The following NR5A2 variants were observed in gnomAD, a reference collection of about 807,000 sequenced individuals.
NR5A2 encodes CYP7A promoter-binding factor.
NR5A2 carries 26 observed loss-of-function variants against 62.7 expected under a neutral mutation model. That is an observed-to-expected ratio of 0.41 (90% CI 0.30 to 0.58). The LOEUF is 0.58. NR5A2 is among the 20% of genes least tolerant of loss of function. The pLI, the probability that NR5A2 is intolerant of heterozygous loss-of-function variation, is 0.22. For synonymous variants in NR5A2, 246 were observed against 241.7 expected, an observed-to-expected ratio of 1.02 and a Z score of -0.16; for missense variants, 541 against 669.1, an observed-to-expected ratio of 0.81 and a Z score of 2.11.
chr1:200,038,886 C>T (rs1274899940), intron 1 of NR5A2: 6 of 595,950 alleles, frequency 1.0e-5, no homozygotes, highest in Non-Finnish European at 1.5e-5. Flanking sequence ...GAGCCTCATC[C>T]TTATTGGCTG....
rs2246211 is a variant in NR5A2 at position 200,176,378 on chromosome 1, G to A, written c.*2168G>A. On this transcript the variant is annotated 3_prime_UTR_variant, in exon 8 of 8. Transcript: ENST00000367362. ...AGGTAAGCTGGGCGTTGACTCATGCGCAGTCTCAGTCACCCGTGTTATCTT... is the reference window on the plus strand; with the variant it reads ...AGGTAAGCTGGGCGTTGACTCATGCACAGTCTCAGTCACCCGTGTTATCTT... 0.14 allele frequency: 21,409 copies of A among 152,568 alleles called. 1,579 individuals are homozygous for A. Among genetic ancestry groups the A allele is most frequent in the South Asian group, 0.19 (934 of 4,826 alleles). The allele number at this position is 152,568 out of a possible 1,614,324, so 9.5% of individuals were successfully genotyped here.
intron 7 of NR5A2, among the ~76,000 whole-genome samples, chr1:200,140,074 AACTT>A (rs1489422233): frequency 2.0e-5 from 3 of 152,102 alleles, no homozygotes; most frequent in Non-Finnish European, 4.4e-5. Context: ...ATATTACTGA[AACTT>A]TCTTTTGATG....
At position 200,130,616 on chromosome 1, in the gene NR5A2, T is replaced by C. The variant is rs74586852; in HGVS notation, c.1378+9661T>C. ...ATGCTTATTAATTCTGAAATAAGCATTATAGTCTAAACATCATAAAATTCT... is the reference window on the plus strand; with the variant it reads ...ATGCTTATTAATTCTGAAATAAGCACTATAGTCTAAACATCATAAAATTCT... On this transcript the variant is annotated intron_variant, in intron 7 of 7. Coordinates refer to ENST00000367362, the MANE Select transcript of NR5A2 (RefSeq NM_205860.3). Among the ~76,000 whole-genome samples the C allele has an allele frequency of 5.3e-5, 8 of 152,338 alleles. No individual in the cohort carries two copies. The East Asian group carries it at 1.3e-3, about 26-fold the overall frequency.
chr1:200,031,770 G>C (rs1449077888), intron 1 of NR5A2, among the ~76,000 whole-genome samples: 1 of 151,758 alleles, frequency 6.6e-6, no homozygotes, highest in East Asian at 1.9e-4. Context: ...AGTAGAAATG[G>C]GGTTTCACCA....
chr1:200,133,459 G>A (rs1667056156), intron 7 of NR5A2, among the ~76,000 whole-genome samples: 1 of 148,610 alleles, frequency 6.7e-6, no homozygotes, highest in Admixed American at 6.8e-5. Context: ...TCCTATCTTG[G>A]TTATACAGTC....
At chr1:200,034,680 G>C (rs1661688385) in intron 1 of NR5A2, among the ~76,000 whole-genome samples, 1 of 150,260 alleles carries the variant, frequency 6.7e-6, no homozygotes. Context: ...ACCGCGCCAC[G>C]CCAGATCGAG....
At chr1:200,166,124 A>G (rs1450370935) in intron 7 of NR5A2, among the ~76,000 whole-genome samples, 1 of 152,214 alleles carries the variant, frequency 6.6e-6, no homozygotes, top group Non-Finnish European at 1.5e-5. Flanking sequence ...GACAGAGACC[A>G]GAGTAGCCCA....
At chr1:200,108,404 CCTTTTCTCCTT>C (rs1414830747) in intron 5 of NR5A2, among the ~76,000 whole-genome samples, 2 of 152,164 alleles carry the variant, frequency 1.3e-5, no homozygotes, top group Admixed American at 1.3e-4. Context: ...TTTTCACCCA[CCTTTTCTCCTT>C]CTGTTCATGG....
At chr1:200,041,653 G>T (rs115344338) in intron 2 of NR5A2, among the ~76,000 whole-genome samples, 1 of 152,216 alleles carries the variant, frequency 6.6e-6, no homozygotes, top group Non-Finnish European at 1.5e-5. Context: ...CTGGGGAAGA[G>T]TGTGGGCGCT....
chr1:200,090,736 T>C (rs1664774873), intron 5 of NR5A2, among the ~76,000 whole-genome samples: 1 of 152,170 alleles, frequency 6.6e-6, no homozygotes, highest in Non-Finnish European at 1.5e-5. Context: ...GCTGTGAGAC[T>C]GTACTCCTGG....
At chr1:200,164,639 G>A (rs113903480) in intron 7 of NR5A2, among the ~76,000 whole-genome samples, 24,166 of 144,824 alleles carry the variant, frequency 0.17, 2,552 homozygotes, top group African/African-American at 0.31. Context: ...CCTCCACCTC[G>A]TGGGTTCAAG....
intron 5 of NR5A2, among the ~76,000 whole-genome samples, chr1:200,099,340 A>T (rs1665256001): frequency 1.9e-5 from 1 of 54,014 alleles, no homozygotes; most frequent in Non-Finnish European, 3.4e-5. Context: ...AGCCTCTATA[A>T]GCCTTTTTTT....
At chr1:200,073,914 T>C (rs893987275) in intron 5 of NR5A2, among the ~76,000 whole-genome samples, 1 of 152,148 alleles carries the variant, frequency 6.6e-6, no homozygotes, top group Admixed American at 6.5e-5. Context: ...AATGGGTGTA[T>C]AACAGAGACG....
chr1:200,152,682 C>A (rs1653185467), intron 7 of NR5A2, among the ~76,000 whole-genome samples: 2 of 152,074 alleles, frequency 1.3e-5, no homozygotes, highest in Non-Finnish European at 2.9e-5. Context: ...TCAAATATCC[C>A]ATTTTTTTCA....
chr1:200,143,638 A>ATTTTTTTTTTTTTT (rs11285826), intron 7 of NR5A2, among the ~76,000 whole-genome samples: 1 of 103,298 alleles, frequency 9.7e-6, no homozygotes, highest in Non-Finnish European at 1.9e-5. Context: ...ATTGTTCATA[A>ATTTTTTTTTTTTTT]TTTTTTTTTT....
chr1:200,091,348 A>C (rs1664803599), intron 5 of NR5A2, among the ~76,000 whole-genome samples: 1 of 152,066 alleles, frequency 6.6e-6, no homozygotes, highest in African/African-American at 2.4e-5. Flanking sequence ...TTAGAATTTG[A>C]CTGCAGCCAG....
intron 5 of NR5A2, among the ~76,000 whole-genome samples, chr1:200,098,897 A>C (rs148742910): frequency 0.014 from 2,196 of 152,308 alleles, 31 homozygotes; most frequent in Middle Eastern, 0.051. Context: ...ATTCTACACT[A>C]TCTAGAAATT....
intron 7 of NR5A2, among the ~76,000 whole-genome samples, chr1:200,160,899 T>C (rs56287601): frequency 0.072 from 10,918 of 150,794 alleles, 507 homozygotes; most frequent in Non-Finnish European, 0.1. Context: ...TCTAAGAGAA[T>C]AAAACTTTGC....
chr1:200,149,682 C>G (rs77639582), intron 7 of NR5A2, among the ~76,000 whole-genome samples: 1 of 152,172 alleles, frequency 6.6e-6, no homozygotes, highest in South Asian at 2.1e-4. Context: ...GAAAACCATA[C>G]GCCAGCAGTG....
Sources: allele counts gnomAD v4.1 joint callset (sites outside exome capture counted in the v4.1 genomes callset), GRCh38; gene constraint gnomAD v4.1.1; transcripts MANE v1.5; gene names NCBI Gene and HGNC (gene_info 2026-07-23, HGNC 2026-07-21).